Variants in PPP1R12A observed in about 807,000 individuals in gnomAD.
The protein encoded by PPP1R12A is protein phosphatase 1 regulatory subunit 12A, also known as myosin binding subunit.
Under a neutral mutation model 139.6 loss-of-function variants are expected in PPP1R12A, and 19 were observed. The observed-to-expected ratio is 0.14, with a 90% CI of 0.09 to 0.20. The LOEUF is 0.20. Among genes scored for constraint, PPP1R12A ranks in the 10% least tolerant of loss-of-function variants. The pLI is 1.00. For missense variants in PPP1R12A, 925 were observed against 1,211.5 expected (o/e 0.76, Z 3.51); for synonymous variants, 427 against 420.6 (o/e 1.02, Z -0.19).
intron 19 of PPP1R12A, among the ~76,000 whole-genome samples, chr12:79,792,132 C>T (rs75836652): frequency 3.9e-5 from 6 of 152,146 alleles, no homozygotes; most frequent in Non-Finnish European, 7.4e-5. Context: ...TGTTATCTAA[C>T]CAACCTTTTC....
In PPP1R12A at chr12:79,774,004, AAAT is replaced by A. The variant is rs1446740121; in HGVS notation, c.*1922_*1924del. On this transcript the variant is annotated 3_prime_UTR_variant, in exon 25 of 25. Transcript: ENST00000450142. ...TAAATAACCTAAATACAAAACACTA[AAAT>A]ATTAGAAACATGTATTTAATCATTC... 1 of 152,118 alleles carries A rather than the reference AAAT, an allele frequency of 6.6e-6. No individual in the cohort carries two copies. Among genetic ancestry groups the A allele is most frequent in the East Asian group, 1.9e-4 (1 of 5,202 alleles). The allele number at this position is 152,118 out of a possible 1,614,324, so 9.4% of individuals were successfully genotyped here. A position where few individuals can be genotyped will look rare whatever the true frequency, so the allele number is the denominator to read the frequency against.
chr12:79,860,216 T>G (rs938335581), intron 2 of PPP1R12A, among the ~76,000 whole-genome samples: 7 of 152,160 alleles, frequency 4.6e-5, no homozygotes, highest in Non-Finnish European at 1.0e-4. Context: ...TCCAAATAAT[T>G]ACACCAGAAA....
At chr12:79,848,884 T>C (rs571160369) in intron 2 of PPP1R12A, 1 of 152,192 alleles carries the variant, frequency 6.6e-6, no homozygotes, top group East Asian at 1.9e-4. Flanking sequence ...CAGAAACTTT[T>C]ATGCTCTGCA....
chr12:79,820,379 C>A (rs937579626), intron 8 of PPP1R12A, among the ~76,000 whole-genome samples: 6 of 152,120 alleles, frequency 3.9e-5, no homozygotes, highest in African/African-American at 1.4e-4. Context: ...AGTTTTTACT[C>A]CATTCCTACT....
chr12:79,861,854 T>C (rs1357345372), intron 2 of PPP1R12A, among the ~76,000 whole-genome samples: 1 of 152,122 alleles, frequency 6.6e-6, no homozygotes, highest in African/African-American at 2.4e-5. Context: ...CAAGGCCTAC[T>C]GACTCTCTTG....
At chr12:79,866,911 C>A (rs546516800) in intron 2 of PPP1R12A, among the ~76,000 whole-genome samples, 1 of 152,128 alleles carries the variant, frequency 6.6e-6, no homozygotes, top group Non-Finnish European at 1.5e-5. Context: ...GACAGTGTGG[C>A]GATTCCGCAA....
chr12:79,826,443 A>T (rs1876783221), intron 5 of PPP1R12A, among the ~76,000 whole-genome samples: 1 of 149,508 alleles, frequency 6.7e-6, no homozygotes, highest in Non-Finnish European at 1.5e-5. Context: ...GACTCAAGCG[A>T]TCCTTCTACC....
intron 1 of PPP1R12A, among the ~76,000 whole-genome samples, chr12:79,877,924 C>T (rs1160837427): frequency 6.6e-6 from 1 of 152,048 alleles, no homozygotes; most frequent in Non-Finnish European, 1.5e-5. Flanking sequence ...TAAAACCCTA[C>T]TTGATAATTA....
At chr12:79,832,696 G>T in intron 3 of PPP1R12A, 3 of 397,986 alleles carry the variant, frequency 7.5e-6, no homozygotes, top group Non-Finnish European at 1.3e-5. Flanking sequence ...CTTATTACTT[G>T]GTTTTTGCTT....
At position 79,796,851 on chromosome 12, in the gene PPP1R12A, T is replaced by G. The variant is rs1206461771; in HGVS notation, c.2392A>C (p.Asn798His). The G allele has an allele frequency of 6.2e-7, 1 of 1,611,450 alleles. No individual in the cohort carries two copies. The change falls in exon 17 of 25, where the codon AAC becomes CAC. Residue 798 changes from asparagine (N) to histidine (H), a missense_variant. Coordinates refer to ENST00000450142, the MANE Select transcript of PPP1R12A (RefSeq NM_002480.3). Reference protein sequence around the residue: ...SSSLYASSQLNRPNSLVGITS... With the variant: ...SSSLYASSQLHRPNSLVGITS... ...ATGCCTACAAGACTATTTGGCCTGT[T>G]TAGTTGACTTGAAGCATACAGTGAA...
At position 79,805,605 on chromosome 12, in the gene PPP1R12A, T is replaced by C. The variant is rs1196015825; in HGVS notation, c.1987A>G (p.Arg663Gly). ...ACCTTTACACACCTGCGTCTCTCCC[T>C]GACCTCTGTTGTGGAGGAGACAGTG... ...AGTVSSTTEV[R>G]ERRRSYLTPV... Residue 663 changes from arginine (R) to glycine (G), a missense_variant, in exon 14 of 25, where the codon AGG becomes GGG. Physicochemically the swap from Arg to Gly is moderately radical, Grantham distance 125. Transcript: ENST00000450142. 2 of 1,613,588 alleles carry C rather than the reference T, an allele frequency of 1.2e-6. No individual in the cohort carries two copies. The highest frequency in any genetic ancestry group is 1.7e-6 in the Non-Finnish European group (2 of 1,179,730).
In PPP1R12A at chr12:79,829,569, C is replaced by T. The variant is rs546980127; in HGVS notation, c.648-1105G>A. Among the ~76,000 whole-genome samples the T allele has an allele frequency of 6.6e-5, 10 of 152,096 alleles. No homozygotes were observed. In the South Asian group the frequency reaches 1.9e-3, roughly 28 times the overall value. ...CTGATCTATATTCTTAATAAGTCCCCCATATGATTTTCATATCATTGCCTA... is the reference window on the plus strand; with the variant it reads ...CTGATCTATATTCTTAATAAGTCCCTCATATGATTTTCATATCATTGCCTA... On this transcript the variant is annotated intron_variant, in intron 4 of 24. Transcript: ENST00000450142.
chr12:79,823,049 C>T (rs2137120173), intron 5 of PPP1R12A, among the ~76,000 whole-genome samples: 1 of 152,100 alleles, frequency 6.6e-6, no homozygotes, highest in South Asian at 2.1e-4. Context: ...TTCAGCCAGC[C>T]ACAGGTATGG....
chr12:79,868,297 T>C (rs977320622), intron 2 of PPP1R12A, among the ~76,000 whole-genome samples: 1 of 152,178 alleles, frequency 6.6e-6, no homozygotes, highest in African/African-American at 2.4e-5. Context: ...ATTTGCCTTT[T>C]CTAGTATGTC....
At chr12:79,867,164 T>C (rs1882061878) in intron 2 of PPP1R12A, among the ~76,000 whole-genome samples, 1 of 152,176 alleles carries the variant, frequency 6.6e-6, no homozygotes, top group Admixed American at 6.5e-5. Context: ...GTTCATGTCC[T>C]TTCAGGGACA....
Position 79,857,850 on chromosome 12 carries a change from T to C in PPP1R12A, c.369-12430A>G, listed in dbSNP as rs530133838. 8.6e-4 allele frequency among the ~76,000 whole-genome samples: 131 copies of C among 152,226 alleles called. 3 individuals are homozygous for C. The highest frequency in any genetic ancestry group is 3.0e-3 in the African/African-American group (124 of 41,568). On this transcript the variant is annotated intron_variant, in intron 2 of 24. Coordinates refer to ENST00000450142, the MANE Select transcript of PPP1R12A (RefSeq NM_002480.3). ...TATAATGGAAAAAAATCATCAGAAT[T>C]TACGTCTCAAGAATGAGAGTTCAGT... is the stretch of plus-strand genomic sequence containing the variant.
intron 2 of PPP1R12A, among the ~76,000 whole-genome samples, chr12:79,861,527 G>A (rs763094107): frequency 2.0e-5 from 3 of 152,200 alleles, no homozygotes; most frequent in Admixed American, 6.5e-5. Context: ...CCTGGGAAGC[G>A]CAAGGGGTCA....
intron 1 of PPP1R12A, among the ~76,000 whole-genome samples, chr12:79,932,610 T>A (rs1163652993): frequency 6.6e-6 from 1 of 152,152 alleles, no homozygotes; most frequent in Non-Finnish European, 1.5e-5. Flanking sequence ...GAAACTTCTG[T>A]TTGTCAACTA....
chr12:79,807,367 T>C (rs1422756884), intron 11 of PPP1R12A, 37 bp from the exon 12 acceptor site: 1 of 1,310,030 alleles, frequency 7.6e-7, no homozygotes, highest in South Asian at 1.3e-5. Flanking sequence ...TGGTACATAA[T>C]TTTAAAATAG....
Sources: allele counts gnomAD v4.1 joint callset (sites outside exome capture counted in the v4.1 genomes callset), GRCh38; gene constraint gnomAD v4.1.1; transcripts MANE v1.5; gene names NCBI Gene and HGNC (gene_info 2026-07-23, HGNC 2026-07-21).